The following FAM170A variants were observed in gnomAD, a reference collection of about 807,000 sequenced individuals.
The protein encoded by FAM170A is family with sequence similarity 170 member A.
A neutral mutation model predicts 36.6 loss-of-function variants in FAM170A; 28 were observed. The observed-to-expected ratio is 0.76, with a 90% CI of 0.57 to 1.05. FAM170A has a LOEUF of 1.05. Among genes scored for constraint, FAM170A ranks in the 50% least tolerant of loss-of-function variants. FAM170A has a pLI of 0.00. For missense variants in FAM170A, 434 were observed against 396.5 expected (o/e 1.09, Z -0.80); for synonymous variants, 156 against 143.9 (o/e 1.08, Z -0.60).
intron 1 of FAM170A, among the ~76,000 whole-genome samples, chr5:119,631,109 T>C (rs1193651696): frequency 2.6e-5 from 4 of 152,204 alleles, no homozygotes; most frequent in Non-Finnish European, 5.9e-5. Flanking sequence ...GGCTGCATGA[T>C]AATGGCATGT....
Position 119,632,894 on chromosome 5 carries a change from G to C in FAM170A, c.211+6G>C, listed in dbSNP as rs1277614617. On this transcript the variant is annotated splice_donor_region_variant and intron_variant, in intron 2 of 4. Transcript: ENST00000613773. ...ACGCAAGCTCATCCACAGTGGTAAGGGTGCAGGGTTCCTTCGGCACGTGGC... is the reference window on the plus strand; with the variant it reads ...ACGCAAGCTCATCCACAGTGGTAAGCGTGCAGGGTTCCTTCGGCACGTGGC... 2 of 1,578,946 alleles carry C rather than the reference G, an allele frequency of 1.3e-6. No individual in the cohort carries two copies. The highest frequency in any genetic ancestry group is 1.7e-6 in the Non-Finnish European group (2 of 1,157,196).
chr5:119,630,313 C>A (rs1283915498), intron 1 of FAM170A, among the ~76,000 whole-genome samples: 1 of 132,344 alleles, frequency 7.6e-6, no homozygotes, highest in African/African-American at 2.9e-5. Context: ...CGCCACCACG[C>A]CTGGCTAATT....
chr5:119,630,988 G>T (rs1756238387), intron 1 of FAM170A, among the ~76,000 whole-genome samples: 1 of 152,220 alleles, frequency 6.6e-6, no homozygotes, highest in Non-Finnish European at 1.5e-5. Context: ...TGCTTCAGCG[G>T]GAAGAATTAA....
chr5:119,634,503 G>T lies in FAM170A; in HGVS notation c.755G>T (p.Arg252Ile), dbSNP rs556565839. The change falls in exon 3 of 5, where the codon AGA becomes ATA. Residue 252 changes from arginine (R) to isoleucine (I), a missense_variant. Coordinates refer to ENST00000613773, the Ensembl canonical transcript of FAM170A. ...CAGGAGCATGTGCAGTTTGGGATCA[G>T]AGAGGGCTTCAGCTGCCACGTCTTT... 101 of 1,614,008 alleles carry T rather than the reference G, an allele frequency of 6.3e-5. 2 individuals carry two copies. The South Asian group carries it at 1.1e-3, about 17-fold the overall frequency.
In FAM170A at chr5:119,634,350, A is replaced by G. The variant is rs1234417989; in HGVS notation, c.602A>G (p.Asp201Gly). 1.9e-6 allele frequency: 3 copies of G among 1,614,086 alleles called. No individual in the cohort carries two copies. In the African/African-American group the frequency reaches 4.0e-5, roughly 22 times the overall value. The change falls in exon 3 of 5, where the codon GAC (aspartate) becomes GGC (glycine). Residue 201 changes from aspartate to glycine, a missense_variant. Transcript: ENST00000613773. Reference sequence around the variant, plus strand: ...GAGCATGAGGAAAGGACAGAATCAGACAGCCTGCCAGGCTCACCCACCGTT... The same window carrying G: ...GAGCATGAGGAAAGGACAGAATCAGGCAGCCTGCCAGGCTCACCCACCGTT...
intron 3 of FAM170A, 115 bp downstream of exon 3, chr5:119,634,849 C>A: frequency 7.9e-7 from 1 of 1,271,954 alleles, no homozygotes; most frequent in Non-Finnish European, 1.1e-6. Flanking sequence ...GCTTTATTGG[C>A]TCAGGGAACA....
At chr5:119,632,287 T>C (rs1756270547) in intron 1 of FAM170A, among the ~76,000 whole-genome samples, 1 of 152,212 alleles carries the variant, frequency 6.6e-6, no homozygotes, top group African/African-American at 2.4e-5. Context: ...TGGACTGGTG[T>C]CTGATTCATG....
chr5:119,634,200 C>T (rs1248975461), exon 3 of FAM170A: 1 of 1,614,168 alleles, frequency 6.2e-7, no homozygotes, highest in Non-Finnish European at 8.5e-7. Context: ...ACTTTGGAGT[C>T]CTTAGAAAAG....
exon 1 of FAM170A, chr5:119,629,708 C>A: frequency 1.5e-6 from 2 of 1,324,842 alleles, no homozygotes; most frequent in Non-Finnish European, 2.2e-6. Context: ...AAGGGCCAAT[C>A]TACAGGAAAA....
chr5:119,632,887 T>G (rs1756285699), exon 2 of FAM170A: 1 of 1,596,810 alleles, frequency 6.3e-7, no homozygotes, highest in African/African-American at 1.3e-5. Flanking sequence ...TCATCCACAG[T>G]GGTAAGGGTG....
exon 3 of FAM170A, chr5:119,634,633 A>C: frequency 6.2e-7 from 1 of 1,610,878 alleles, no homozygotes. Context: ...AGAAACCAGA[A>C]GCAAAGGAGG....
exon 3 of FAM170A, chr5:119,634,088 G>T: frequency 6.2e-7 from 1 of 1,614,108 alleles, no homozygotes; most frequent in Non-Finnish European, 8.5e-7. Flanking sequence ...TAAGACTTGT[G>T]TGTCCTCTCT....
At position 119,633,991 on chromosome 5, in the gene FAM170A, G is replaced by C. The variant is rs774212428; in HGVS notation, c.243G>C (p.Gln81His). The change falls in exon 3 of 5, where the codon CAG (glutamine) becomes CAC (histidine). Residue 81 changes from glutamine to histidine, a missense_variant. Gln to His is a conservative substitution (Grantham distance 24). Coordinates refer to ENST00000613773, the Ensembl canonical transcript of FAM170A. ...AGAGAATACATCGAGACAGCCCCCA[G>C]CCTCAATCACCCCTGGCCCAGGTTC... 9 of 1,613,630 alleles carry C rather than the reference G, an allele frequency of 5.6e-6. No individual in the cohort carries two copies. In the East Asian group the frequency reaches 1.8e-4, roughly 32 times the overall value.
At chr5:119,629,914 C>T (rs2431372) in intron 1 of FAM170A, 76 bp downstream of exon 1, 25 of 1,200,000 alleles carry the variant, frequency 2.1e-5, no homozygotes, top group African/African-American at 3.0e-5. Flanking sequence ...TTTTTTGAGA[C>T]GGAGTCTCGC....
At chr5:119,631,235 A>G (rs1335379649) in intron 1 of FAM170A, among the ~76,000 whole-genome samples, 1 of 152,234 alleles carries the variant, frequency 6.6e-6, no homozygotes, top group African/African-American at 2.4e-5. Context: ...ATTAGAGCTC[A>G]GCAGCGCCTA....
intron 4 of FAM170A, 36 bp downstream of exon 4, chr5:119,635,122 T>C (rs774000090): frequency 6.8e-7 from 1 of 1,473,304 alleles, no homozygotes; most frequent in South Asian, 1.1e-5. Context: ...TGAGGCTGTG[T>C]TGTGAGGGCC....
chr5:119,630,246 C>G (rs1274270089), intron 1 of FAM170A, among the ~76,000 whole-genome samples: 1 of 140,846 alleles, frequency 7.1e-6, no homozygotes, highest in Non-Finnish European at 1.5e-5. Context: ...GCTCCGCCTC[C>G]CAGGTTCACG....
exon 1 of FAM170A, chr5:119,629,758 T>C: frequency 6.2e-7 from 1 of 1,610,782 alleles, no homozygotes. Flanking sequence ...GAAACTCTTC[T>C]AGCTGATATC....
Position 119,635,098 on chromosome 5 carries a change from G to C in FAM170A, c.*52+12G>C, listed in dbSNP as rs756052558. On this transcript the variant is annotated intron_variant, in intron 4 of 4. Coordinates refer to ENST00000613773, the Ensembl canonical transcript of FAM170A. ...TTCTCTTGCAAGAGGTAAGGAGTGA[G>C]ACTTGCAGTTTTCTGAGGCTGTGTT... 1 of 1,581,136 alleles carries C rather than the reference G, an allele frequency of 6.3e-7. No homozygotes were observed. The highest frequency in any genetic ancestry group is 2.2e-5 in the East Asian group (1 of 44,766).
Sources: allele counts gnomAD v4.1 joint callset (sites outside exome capture counted in the v4.1 genomes callset), GRCh38; gene constraint gnomAD v4.1.1; transcripts MANE v1.5; gene names NCBI Gene and HGNC (gene_info 2026-07-23, HGNC 2026-07-21).